TAB2: variants seen among roughly 807,000 people sequenced by gnomAD.
TAB2 encodes the protein TGF-beta activated kinase 1 (MAP3K7) binding protein 2.
TAB2 carries 3 observed loss-of-function variants against 65.0 expected under a neutral mutation model. The ratio of observed to expected loss-of-function variants is 0.05; its 90% CI spans 0.02 to 0.12. TAB2 has a LOEUF of 0.12. Ranked by LOEUF, TAB2 falls within the 10% of genes least tolerant of loss-of-function variation. TAB2 has a pLI of 1.00. For synonymous variants in TAB2, 298 were observed against 285.1 expected (o/e 1.05, Z -0.46); for missense variants, 623 against 840.3 (o/e 0.74, Z 3.20).
intron 2 of TAB2, among the ~76,000 whole-genome samples, chr6:149,375,407 T>C (rs1781367611): frequency 6.6e-6 from 1 of 152,194 alleles, no homozygotes; most frequent in South Asian, 2.1e-4. Flanking sequence ...ATAATTTGAG[T>C]GCACATAAAT....
chr6:149,404,360 C>A (rs1228679588), intron 6 of TAB2, among the ~76,000 whole-genome samples: 1 of 152,180 alleles, frequency 6.6e-6, no homozygotes, highest in African/African-American at 2.4e-5. Flanking sequence ...AACATCCTTA[C>A]TACCCAAATT....
At chr6:149,268,687 G>A (rs929941333) in intron 1 of TAB2, among the ~76,000 whole-genome samples, 46 of 152,254 alleles carry the variant, frequency 3.0e-4, no homozygotes, top group East Asian at 3.9e-4. Context: ...TCTTCCTTTC[G>A]TATATGTAAC....
intron 1 of TAB2, among the ~76,000 whole-genome samples, chr6:149,222,343 C>T (rs956562811): frequency 8.5e-5 from 13 of 152,106 alleles, no homozygotes; most frequent in South Asian, 4.1e-4. Context: ...CCTGGCCAGG[C>T]GTGGTGGCTC....
At chr6:149,306,188 T>A (rs1225781678) in intron 1 of TAB2, among the ~76,000 whole-genome samples, 1 of 151,762 alleles carries the variant, frequency 6.6e-6, no homozygotes, top group East Asian at 1.9e-4. Flanking sequence ...GGAGAGTCAC[T>A]TGAGGTCAAG....
chr6:149,402,857 T>C (rs148164026), intron 6 of TAB2, among the ~76,000 whole-genome samples: 1 of 152,178 alleles, frequency 6.6e-6, no homozygotes, highest in Non-Finnish European at 1.5e-5. Flanking sequence ...AGCACACACA[T>C]TGAAGTAAAA....
chr6:149,330,810 T>C (rs534082862), intron 1 of TAB2, among the ~76,000 whole-genome samples: 85 of 152,296 alleles, frequency 5.6e-4, no homozygotes, highest in African/African-American at 2.0e-3. Context: ...TTTTTTTCTT[T>C]TATGGATTGT....
At chr6:149,355,249 C>G (rs1017102526) in intron 1 of TAB2, among the ~76,000 whole-genome samples, 2 of 152,114 alleles carry the variant, frequency 1.3e-5, no homozygotes, top group African/African-American at 2.4e-5. Flanking sequence ...CTTGCATTTT[C>G]TGAGGTTTTA....
At chr6:149,246,110 G>A (rs1177480699) in intron 1 of TAB2, 2 of 152,120 alleles carry the variant, frequency 1.3e-5, no homozygotes, top group African/African-American at 2.4e-5. Context: ...GTGGAGACAG[G>A]GTTTCACCAT....
At chr6:149,250,969 A>AT (rs1455284882) in intron 1 of TAB2, among the ~76,000 whole-genome samples, 1 of 152,144 alleles carries the variant, frequency 6.6e-6, no homozygotes, top group East Asian at 1.9e-4. Context: ...ACTCACGCTT[A>AT]TTTCCAAAGG....
intron 1 of TAB2, among the ~76,000 whole-genome samples, chr6:149,341,487 C>T (rs1259318681): frequency 6.6e-6 from 1 of 152,102 alleles, no homozygotes; most frequent in Non-Finnish European, 1.5e-5. Flanking sequence ...CTATATGTGC[C>T]ACACTGTTAA....
At chr6:149,270,622 AAT>A (rs780917695) in intron 1 of TAB2, among the ~76,000 whole-genome samples, 9 of 152,186 alleles carry the variant, frequency 5.9e-5, no homozygotes, top group Middle Eastern at 3.2e-3. Context: ...TTACACCATA[AAT>A]ATATATAATT....
chr6:149,255,563 C>A (rs1778007993), intron 1 of TAB2: 1 of 152,118 alleles, frequency 6.6e-6, no homozygotes, highest in African/African-American at 2.4e-5. Flanking sequence ...TTTATCATAT[C>A]TTCTATAATT....
chr6:149,361,151 A>G (rs561464235), intron 1 of TAB2, among the ~76,000 whole-genome samples: 36 of 152,258 alleles, frequency 2.4e-4, no homozygotes, highest in South Asian at 1.0e-3. Flanking sequence ...CAGTGCCCCC[A>G]TGGAGACTCT....
chr6:149,356,164 A>G (rs890621988), intron 1 of TAB2, among the ~76,000 whole-genome samples: 6 of 152,232 alleles, frequency 3.9e-5, no homozygotes, highest in African/African-American at 1.2e-4. Context: ...AACTAAAGGT[A>G]ATGGTAGTTC....
In TAB2 at chr6:149,357,430, A is replaced by AAAAAAAAAC; in HGVS notation, c.-89-12478_-89-12477insAAAAAAACA. Among the ~76,000 whole-genome samples the AAAAAAAAAC allele has an allele frequency of 4.7e-3, 517 of 111,142 alleles. 9 individuals carry two copies. The East Asian group carries it at 0.06, about 13-fold the overall frequency. 72.9% of individuals were successfully genotyped at this position (111,142 alleles called of 152,430 possible). On this transcript the variant is annotated intron_variant, in intron 1 of 6. Coordinates refer to ENST00000637181, the MANE Select transcript of TAB2 (RefSeq NM_001292034.3). ...GACTCCGTCTCAAGGAGAAAAAAAA[A>AAAAAAAAAC]ACACACACACACACACACACACACA...
At chr6:149,301,313 G>C (rs1311472148) in intron 1 of TAB2, among the ~76,000 whole-genome samples, 1 of 152,188 alleles carries the variant, frequency 6.6e-6, no homozygotes, top group Non-Finnish European at 1.5e-5. Context: ...CTACAACAAT[G>C]CTAGAAGAAA....
intron 1 of TAB2, among the ~76,000 whole-genome samples, chr6:149,261,314 T>C (rs1245986919): frequency 6.6e-6 from 1 of 152,212 alleles, no homozygotes; most frequent in East Asian, 1.9e-4. Context: ...GACTGTGGTA[T>C]ACAAAAATTT....
intron 3 of TAB2, among the ~76,000 whole-genome samples, chr6:149,395,369 G>T (rs2114935696): frequency 6.6e-6 from 1 of 152,138 alleles, no homozygotes; most frequent in South Asian, 2.1e-4. Context: ...TTTTTGTTTT[G>T]TATTTCTTTC....
intron 3 of TAB2, among the ~76,000 whole-genome samples, chr6:149,384,402 C>T (rs1781717861): frequency 1.3e-5 from 2 of 152,062 alleles, no homozygotes; most frequent in South Asian, 4.1e-4. Context: ...ATTAATGAAA[C>T]ATCAAGACCC....
Sources: allele counts gnomAD v4.1 joint callset (sites outside exome capture counted in the v4.1 genomes callset), GRCh38; gene constraint gnomAD v4.1.1; transcripts MANE v1.5; gene names NCBI Gene and HGNC (gene_info 2026-07-23, HGNC 2026-07-21).